Variants in BBS9 observed in about 807,000 individuals in gnomAD.
The protein encoded by BBS9 is Bardet-Biedl syndrome 9.
Under a neutral mutation model 117.7 loss-of-function variants are expected in BBS9, and 89 were observed. The observed-to-expected ratio is 0.76, with a 90% confidence interval of 0.64 to 0.90. The LOEUF (loss-of-function observed/expected upper bound fraction) is 0.90, where lower values mean the gene tolerates loss of function less well. Among genes scored for constraint, BBS9 ranks in the 40% least tolerant of loss-of-function variants. The pLI, the probability that BBS9 is intolerant of heterozygous loss-of-function variation, is 0.00. For synonymous variants in BBS9, 379 were observed against 370.9 expected (o/e 1.02, Z -0.25); for missense variants, 982 against 1,042.2 (o/e 0.94, Z 0.80).
At chr7:33,450,632 A>G (rs553060103) in intron 19 of BBS9, among the ~76,000 whole-genome samples, 59 of 152,214 alleles carry the variant, frequency 3.9e-4, no homozygotes, top group South Asian at 6.2e-4. Flanking sequence ...ACTGATGTTG[A>G]GCATCTTTTC....
chr7:33,246,036 G>A (rs1795278933), intron 5 of BBS9, among the ~76,000 whole-genome samples: 1 of 152,092 alleles, frequency 6.6e-6, no homozygotes, highest in South Asian at 2.1e-4. Context: ...GATTGCATTT[G>A]TATATTAAGA....
intron 5 of BBS9, among the ~76,000 whole-genome samples, chr7:33,201,273 C>T (rs892001935): frequency 1.3e-5 from 2 of 152,046 alleles, no homozygotes; most frequent in East Asian, 1.9e-4. Flanking sequence ...ATCTGGAGTT[C>T]CTTGTTTAGT....
intron 9 of BBS9, among the ~76,000 whole-genome samples, chr7:33,306,755 A>C (rs1808090672): frequency 6.6e-6 from 1 of 152,204 alleles, no homozygotes; most frequent in Admixed American, 6.5e-5. Context: ...TTATTACCAC[A>C]TGTGTGTAGG....
rs779974344 is a variant in BBS9, at chr7:33,146,223, A to T, written c.-11-19A>T. 6.6e-7 allele frequency: 1 copy of T among 1,513,776 alleles called. No homozygotes were observed. The highest frequency in any genetic ancestry group is 1.1e-5 in the South Asian group (1 of 88,956). The allele number at this position is 1,513,776 out of a possible 1,614,324, so 93.8% of individuals were successfully genotyped here. ...AGTTCATAGTGTGAAGTAGATTATT[A>T]TAAATGTTTTCTTTTTAGTGTGAAA... On this transcript the variant is annotated intron_variant, in intron 1 of 22. Coordinates refer to ENST00000242067, the MANE Select transcript of BBS9 (RefSeq NM_198428.3).
At chr7:33,406,563 C>T (rs1486246219) in intron 19 of BBS9, among the ~76,000 whole-genome samples, 10 of 152,040 alleles carry the variant, frequency 6.6e-5, no homozygotes, top group South Asian at 2.1e-4. Flanking sequence ...GATTTTGCAG[C>T]GGCTAGTACC....
chr7:33,519,558 C>A lies in BBS9; in HGVS notation c.2298+13913C>A, dbSNP rs1848304906. On this transcript the variant is annotated intron_variant, in intron 20 of 22. Coordinates refer to ENST00000242067, the MANE Select transcript of BBS9 (RefSeq NM_198428.3). ...GACTCTTGTAAAAGTTTCGCCCAAC[C>A]AAACTGGCACAGAGCATTGTGCTTT... Among the ~76,000 whole-genome samples, 5 of 147,264 alleles carry A rather than the reference C, an allele frequency of 3.4e-5. No homozygotes were observed. The South Asian group carries it at 1.1e-3, about 33-fold the overall frequency.
intron 21 of BBS9, among the ~76,000 whole-genome samples, chr7:33,628,365 T>G (rs899262773): frequency 2.0e-5 from 3 of 152,066 alleles, no homozygotes; most frequent in African/African-American, 7.2e-5. Flanking sequence ...CCAGGTGGGG[T>G]TTACCTCCAA....
At chr7:33,170,780 A>G (rs1276213836) in intron 4 of BBS9, among the ~76,000 whole-genome samples, 1 of 150,720 alleles carries the variant, frequency 6.6e-6, no homozygotes, top group Non-Finnish European at 1.5e-5. Context: ...TCAATGTACA[A>G]AAATCACAAG....
intron 17 of BBS9, among the ~76,000 whole-genome samples, chr7:33,381,307 T>G (rs1049719316): frequency 3.9e-5 from 6 of 152,080 alleles, no homozygotes; most frequent in Admixed American, 6.6e-5. Context: ...GGCAGAAGAG[T>G]GATGGCAGAA....
rs144260655 is a variant in BBS9, at chr7:33,321,082, TC to T, written c.1017-15357del. 5.3e-3 allele frequency among the ~76,000 whole-genome samples: 801 copies of T among 152,278 alleles called. 12 individuals carry two copies. The highest frequency in any genetic ancestry group is 0.018 in the African/African-American group (768 of 41,566). ...GATGTTTCTGGGTTCTCTCTTCTGT[TC>T]CATTGGTCTTTGTGTCTGTTTTTAT... is the stretch of plus-strand genomic sequence containing the variant. On this transcript the variant is annotated intron_variant, in intron 9 of 22. Transcript: ENST00000242067.
intron 19 of BBS9, among the ~76,000 whole-genome samples, chr7:33,500,196 A>G (rs1469361817): frequency 1.3e-5 from 2 of 152,246 alleles, no homozygotes; most frequent in Non-Finnish European, 2.9e-5. Flanking sequence ...CTGCGACAGT[A>G]GGAAAGCATA....
chr7:33,169,833 A>T (rs1317887944), intron 4 of BBS9, among the ~76,000 whole-genome samples: 1 of 150,750 alleles, frequency 6.6e-6, no homozygotes, highest in Non-Finnish European at 1.5e-5. Context: ...CCATTTGTCA[A>T]TTTTGTCTTT....
chr7:33,149,023 A>G (rs538916516), intron 2 of BBS9, among the ~76,000 whole-genome samples: 77 of 152,284 alleles, frequency 5.1e-4, no homozygotes, highest in African/African-American at 1.8e-3. Context: ...TTTGCAATGT[A>G]TGAATGGGGA....
intron 19 of BBS9, among the ~76,000 whole-genome samples, chr7:33,400,497 A>G (rs981565154): frequency 2.3e-4 from 35 of 152,058 alleles, no homozygotes; most frequent in African/African-American, 8.2e-4. Context: ...AACAGTTTGA[A>G]TTGTGAATTA....
At chr7:33,319,737 A>G (rs1047461038) in intron 9 of BBS9, among the ~76,000 whole-genome samples, 6 of 152,244 alleles carry the variant, frequency 3.9e-5, no homozygotes, top group Admixed American at 6.5e-5. Context: ...GAGCTTCTGC[A>G]CCGCAAAAGG....
intron 4 of BBS9, among the ~76,000 whole-genome samples, chr7:33,173,079 A>G (rs1796840192): frequency 6.6e-6 from 1 of 152,166 alleles, no homozygotes; most frequent in African/African-American, 2.4e-5. Flanking sequence ...TAATTTAGCT[A>G]CTGTTTCTTA....
At chr7:33,418,588 G>A (rs1472561889) in intron 19 of BBS9, among the ~76,000 whole-genome samples, 1 of 152,198 alleles carries the variant, frequency 6.6e-6, no homozygotes, top group East Asian at 1.9e-4. Flanking sequence ...ACAAGCTAGA[G>A]GCTCAGATTG....
At chr7:33,504,135 A>G (rs1432071388) in intron 19 of BBS9, among the ~76,000 whole-genome samples, 1 of 152,206 alleles carries the variant, frequency 6.6e-6, no homozygotes, top group African/African-American at 2.4e-5. Context: ...ATTGGGGAGT[A>G]GCACAGTACT....
chr7:33,409,113 T>G (rs1830637938), intron 19 of BBS9, among the ~76,000 whole-genome samples: 3 of 152,202 alleles, frequency 2.0e-5, no homozygotes, highest in Admixed American at 6.5e-5. Context: ...GTTGTATGTT[T>G]CTTCTGTTGA....
Sources: allele counts gnomAD v4.1 joint callset (sites outside exome capture counted in the v4.1 genomes callset), GRCh38; gene constraint gnomAD v4.1.1; transcripts MANE v1.5; gene names NCBI Gene and HGNC (gene_info 2026-07-23, HGNC 2026-07-21).